ACSBG2: variants seen among roughly 807,000 people sequenced by gnomAD.
ACSBG2 encodes acyl-CoA synthetase bubblegum family member 2, also known as long-chain-fatty-acid--CoA ligase ACSBG2.
A neutral mutation model predicts 74.7 loss-of-function variants in ACSBG2; 62 were observed. The ratio of observed to expected loss-of-function variants is 0.83; its 90% confidence interval spans 0.68 to 1.03. The LOEUF is 1.03. ACSBG2 is among the 50% of genes least tolerant of loss of function. ACSBG2 has a pLI of 0.00. For missense variants in ACSBG2, 730 were observed against 817.6 expected (o/e 0.89, Z 1.31); for synonymous variants, 309 against 294.1 (o/e 1.05, Z -0.52).
Position 6,144,217 on chromosome 19 carries a change from C to T in ACSBG2, c.67+2607C>T, listed in dbSNP as rs549464345. On this transcript the variant is annotated intron_variant, in intron 2 of 14. Transcript: ENST00000588485. ...TTCGCCATGTTAGCGAGGATGGTCT[C>T]GAACTTCTGATTTGAAGTGATCCAC... Among the ~76,000 whole-genome samples, 4 of 152,284 alleles carry T rather than the reference C, an allele frequency of 2.6e-5. No homozygotes were observed. In the East Asian group the frequency reaches 5.8e-4, roughly 22 times the overall value.
At chr19:6,153,744 A>C (rs2089312781) in intron 4 of ACSBG2, among the ~76,000 whole-genome samples, 1 of 152,090 alleles carries the variant, frequency 6.6e-6, no homozygotes, top group African/African-American at 2.4e-5. Flanking sequence ...ACTACTTGGG[A>C]GGCAGAGGTG....
chr19:6,192,592 A>C (rs1325821449), intron 14 of ACSBG2, 76 bp from the exon 15 acceptor site: 1 of 152,214 alleles, frequency 6.6e-6, no homozygotes, highest in African/African-American at 2.4e-5. Flanking sequence ...TCATATGGTG[A>C]CTGTGGGATC....
intron 2 of ACSBG2, among the ~76,000 whole-genome samples, chr19:6,146,288 G>A (rs2089028320): frequency 1.3e-5 from 2 of 151,510 alleles, no homozygotes; most frequent in African/African-American, 4.9e-5. Context: ...TGGGCTACAT[G>A]GTGAAACCCC....
intron 4 of ACSBG2, among the ~76,000 whole-genome samples, chr19:6,153,015 A>G (rs2089290195): frequency 6.6e-6 from 1 of 151,938 alleles, no homozygotes; most frequent in Non-Finnish European, 1.5e-5. Flanking sequence ...AGGCCAAGGC[A>G]GGCGGATCAC....
chr19:6,182,893 G>C lies in ACSBG2; in HGVS notation c.1049G>C (p.Arg350Thr). Residue 350 changes from arginine to threonine, a missense_variant, in exon 9 of 15, where the codon AGA becomes ACA. Arg to Thr is a moderately conservative substitution (Grantham distance 71, BLOSUM62 -1). Transcript: ENST00000588485. ...AAGAAGAAGGCATTCGTGTGGGCAA[G>C]AAACATTGGCTTCAAGGTCAACTCA... ...GLKKKAFVWA[R>T]NIGFKVNSKK... The C allele has an allele frequency of 6.2e-7, 1 of 1,614,178 alleles. No individual in the cohort carries two copies. Among genetic ancestry groups the C allele is most frequent in the Non-Finnish European group, 8.5e-7 (1 of 1,180,034 alleles).
At chr19:6,138,390 C>T (rs1277819197) in intron 1 of ACSBG2, among the ~76,000 whole-genome samples, 1 of 148,440 alleles carries the variant, frequency 6.7e-6, no homozygotes, top group African/African-American at 2.5e-5. Flanking sequence ...TAGGTCCAGG[C>T]AGGCGGAGAG....
chr19:6,172,520 G>A lies in ACSBG2; in HGVS notation c.739-4709G>A, dbSNP rs145526334. 5.9e-5 allele frequency among the ~76,000 whole-genome samples: 9 copies of A among 152,252 alleles called. No individual in the cohort carries two copies. In the East Asian group the frequency reaches 1.7e-3, roughly 29 times the overall value. Reference sequence around the variant, plus strand: ...GGCTAAGGTCTGTACGGGTTCCATGGTTGTGGACAGCTTCTGTGCAGTGGC... The same window carrying A: ...GGCTAAGGTCTGTACGGGTTCCATGATTGTGGACAGCTTCTGTGCAGTGGC... On this transcript the variant is annotated intron_variant, in intron 7 of 14. Transcript: ENST00000588485.
chr19:6,167,750 A>G (rs73923463), intron 7 of ACSBG2, among the ~76,000 whole-genome samples: 1,935 of 152,330 alleles, frequency 0.013, 41 homozygotes, highest in African/African-American at 0.044. Context: ...AATTTGATGC[A>G]TAAATATATT....
At chr19:6,190,455 C>A in intron 13 of ACSBG2, 129 bp from the exon 14 acceptor site, 1 of 723,146 alleles carries the variant, frequency 1.4e-6, no homozygotes. Flanking sequence ...GTTACACACC[C>A]TGAAAGTCAA....
chr19:6,165,755 CTTCCACCTGCTGAGG>C lies in ACSBG2; in HGVS notation c.589-110_589-96del, dbSNP rs2089773665. The C allele has an allele frequency of 1.9e-5, 26 of 1,352,912 alleles. 1 individual carries two copies. The South Asian group carries it at 3.4e-4, about 18-fold the overall frequency. 83.8% of individuals were successfully genotyped at this position (1,352,912 alleles called of 1,614,324 possible). ...TGCCAGGACTGGCACATCCTAAGCC[CTTCCACCTGCTGAGG>C]ATCATTCTTTAGGAAAAGCTGATAG... On this transcript the variant is annotated intron_variant, in intron 6 of 14. Transcript: ENST00000588485.
intron 1 of ACSBG2, among the ~76,000 whole-genome samples, chr19:6,140,497 T>C (rs1427712199): frequency 6.6e-6 from 1 of 152,164 alleles, no homozygotes; most frequent in Non-Finnish European, 1.5e-5. Flanking sequence ...CTGGCTAATG[T>C]GGTGAACCCT....
At position 6,187,352 on chromosome 19, in the gene ACSBG2, T is replaced by A. The variant is rs749479338; in HGVS notation, c.1610T>A (p.Ile537Asn). Reference protein sequence around the residue: ...IPVETLVKKKIPIISNAMLVG... With the variant: ...IPVETLVKKKNPIISNAMLVG... ...GTTGAGACCTTGGTTAAGAAGAAGA[T>A]CCCCATCATCAGTAACGCCATGTTA... The change falls in exon 12 of 15, where the codon ATC (isoleucine) becomes AAC (asparagine). Residue 537 changes from isoleucine (I) to asparagine (N), a missense_variant. Physicochemically the swap from Ile to Asn is moderately radical, Grantham distance 149 (BLOSUM62 -3). Transcript: ENST00000588485. 6.2e-7 allele frequency: 1 copy of A among 1,613,920 alleles called. No individual in the cohort carries two copies. The highest frequency in any genetic ancestry group is 8.5e-7 in the Non-Finnish European group (1 of 1,180,018).
chr19:6,169,042 G>C (rs934397351), intron 7 of ACSBG2, among the ~76,000 whole-genome samples: 10 of 152,224 alleles, frequency 6.6e-5, no homozygotes, highest in African/African-American at 2.4e-4. Context: ...GCCTCCCAAA[G>C]TGTTGGAATT....
chr19:6,141,633 T>C (rs2088838724), intron 2 of ACSBG2, 23 bp downstream of exon 2: 2 of 1,444,632 alleles, frequency 1.4e-6, no homozygotes, highest in African/African-American at 1.4e-5. Flanking sequence ...AAAGAGTACG[T>C]GGGAGAGAGA....
At position 6,183,142 on chromosome 19, in the gene ACSBG2, A is replaced by C; in HGVS notation, c.1192A>C (p.Thr398Pro). 2 of 1,614,214 alleles carry C rather than the reference A, an allele frequency of 1.2e-6. No homozygotes were observed. Among genetic ancestry groups the C allele is most frequent in the Non-Finnish European group, 8.5e-7 (1 of 1,180,040 alleles). ...LDHCHSFISG[T>P]APLNQETAEF... ...TCACTGTCACTCTTTTATCAGTGGGACTGCGCCCCTCAACCAAGAGACTGC... is the reference window on the plus strand; with the variant it reads ...TCACTGTCACTCTTTTATCAGTGGGCCTGCGCCCCTCAACCAAGAGACTGC... The change falls in exon 10 of 15, where the codon ACT becomes CCT. Residue 398 changes from threonine (T) to proline (P), a missense_variant. Transcript: ENST00000588485.
Position 6,165,949 on chromosome 19 carries a change from C to G in ACSBG2, c.672C>G (p.Cys224Trp). ...QVIESQKANQ[C>W]AVLIYTSGTT... ...TCGAGAGCCAGAAGGCGAATCAATG[C>G]GCAGTGCTCATCTACACTTCAGGGA... The change falls in exon 7 of 15, where the codon TGC becomes TGG. Residue 224 changes from cysteine to tryptophan, a missense_variant. Physicochemically the swap from Cys to Trp is radical, Grantham distance 215 (BLOSUM62 -2). Transcript: ENST00000588485. The G allele has an allele frequency of 6.2e-7, 1 of 1,613,954 alleles. No individual in the cohort carries two copies. The highest frequency in any genetic ancestry group is 1.1e-5 in the South Asian group (1 of 91,064).
chr19:6,147,581 C>T lies in ACSBG2; in HGVS notation c.203C>T (p.Pro68Leu), dbSNP rs753108543. Residue 68 changes from proline (P) to leucine (L), a missense_variant, in exon 3 of 15, where the codon CCA (proline) becomes CTA (leucine). Pro to Leu is a moderately conservative substitution (Grantham distance 98, BLOSUM62 -3). Transcript: ENST00000588485. ...TCAGTCAACCGATTTGGAACTTATC[C>T]AGCCCTCGCATCCAAGAATGGCAAA... The part of the protein sequence containing the change: ...RESVNRFGTY[P>L]ALASKNGKKW... 1 of 1,614,156 alleles carries T rather than the reference C, an allele frequency of 6.2e-7. No homozygotes were observed. The highest frequency in any genetic ancestry group is 1.1e-5 in the South Asian group (1 of 91,070).
chr19:6,156,439 G>A lies in ACSBG2; in HGVS notation c.395G>A (p.Cys132Tyr). ...AVGAILAGGL[C>Y]VGIYATNSAE... ...TTGTTTTCTTTTCCCAGGGGTCTTT[G>A]TGTTGGTATTTATGCCACCAACTCT... Residue 132 changes from cysteine (C) to tyrosine (Y), a missense_variant, in exon 5 of 15, where the codon TGT (cysteine) becomes TAT (tyrosine). Cys to Tyr is a radical substitution (Grantham distance 194). Coordinates refer to ENST00000588485, the MANE Select transcript of ACSBG2 (RefSeq NM_030924.5). 6.3e-6 allele frequency: 10 copies of A among 1,591,890 alleles called. No homozygotes were observed. The highest frequency in any genetic ancestry group is 8.5e-6 in the Non-Finnish European group (10 of 1,171,238).
intron 7 of ACSBG2, among the ~76,000 whole-genome samples, chr19:6,170,855 T>C (rs2089945762): frequency 6.6e-6 from 1 of 152,198 alleles, no homozygotes; most frequent in African/African-American, 2.4e-5. Flanking sequence ...AATTATTGTA[T>C]GGCTATCTCT....
Sources: gnomAD v4.1 joint callset for allele counts (sites outside exome capture counted in the v4.1 genomes callset) on GRCh38, gnomAD v4.1.1 for gene constraint, MANE v1.5 for transcripts, NCBI Gene and HGNC (gene_info 2026-07-23, HGNC 2026-07-21) for gene names.